Variants in NAV3 observed in about 807,000 individuals in gnomAD.
The protein encoded by NAV3 is neuron navigator 3.
A neutral mutation model predicts 244.7 loss-of-function variants in NAV3; 87 were observed. That is an observed-to-expected ratio of 0.36 (90% CI 0.30 to 0.42). The LOEUF is 0.42. Ranked by LOEUF, NAV3 falls within the 20% of genes least tolerant of loss-of-function variation. NAV3 has a pLI of 1.00. For missense variants in NAV3, 2,663 were observed against 2,893.3 expected (o/e 0.92, Z 1.83); for synonymous variants, 1,126 against 1,042.2 (o/e 1.08, Z -1.55).
At position 77,753,347 on chromosome 12, in the gene NAV3, A is replaced by G. The variant is rs56242811; in HGVS notation, c.72+181081A>G. Reference sequence around the variant, plus strand: ...TGAAATTTATGACTGTGTTTTTCACAGTAAATGTTCCCTTTAAAATATCCT... The same window carrying G: ...TGAAATTTATGACTGTGTTTTTCACGGTAAATGTTCCCTTTAAAATATCCT... On this transcript the variant is annotated intron_variant, in intron 2 of 8. Coordinates refer to the NAV3 transcript ENST00000550042. Among the ~76,000 whole-genome samples, 816 of 152,244 alleles carry G rather than the reference A, an allele frequency of 5.4e-3. 11 individuals carry two copies. The highest frequency in any genetic ancestry group is 0.017 in the African/African-American group (717 of 41,560).
intron 2 of NAV3, among the ~76,000 whole-genome samples, chr12:77,766,095 G>C (rs1455273159): frequency 6.6e-6 from 1 of 152,106 alleles, no homozygotes; most frequent in Non-Finnish European, 1.5e-5. Context: ...ACGGAGAAGA[G>C]AGAAAGGAAA....
At chr12:77,684,167 T>A (rs192310553) in intron 2 of NAV3, among the ~76,000 whole-genome samples, 2 of 152,342 alleles carry the variant, frequency 1.3e-5, no homozygotes, top group East Asian at 3.9e-4. Flanking sequence ...GTGGATTTAA[T>A]CTGCATTTTC....
Position 77,713,294 on chromosome 12 carries a change from G to A in NAV3, c.72+141028G>A, listed in dbSNP as rs150170883. On this transcript the variant is annotated intron_variant, in intron 2 of 8. Transcript: ENST00000550042. ...TGTTTCTCTCCATTTATAAAATACC[G>A]TTTTCTTCAGTGGCTAAAGTATGGT... Among the ~76,000 whole-genome samples the A allele has an allele frequency of 5.9e-3, 904 of 152,206 alleles. 5 individuals are homozygous for A. Among genetic ancestry groups the A allele is most frequent in the Middle Eastern group, 0.027 (8 of 294 alleles).
chr12:78,093,336 A>C (rs1013390980), intron 12 of NAV3, among the ~76,000 whole-genome samples: 6 of 152,314 alleles, frequency 3.9e-5, no homozygotes, highest in Admixed American at 6.5e-5. Flanking sequence ...CTAAGGACAA[A>C]AGCTAATTTT....
At chr12:77,938,710 T>C (rs377528330) in intron 1 of NAV3, among the ~76,000 whole-genome samples, 1 of 152,216 alleles carries the variant, frequency 6.6e-6, no homozygotes, top group East Asian at 1.9e-4. Context: ...GGAAGGTACA[T>C]ATGTCAGGCT....
At chr12:77,714,410 G>T (rs927576870) in intron 2 of NAV3, among the ~76,000 whole-genome samples, 1 of 152,052 alleles carries the variant, frequency 6.6e-6, no homozygotes, top group Non-Finnish European at 1.5e-5. Flanking sequence ...CAGAATCATA[G>T]GTTAATAGAT....
At chr12:78,137,767 A>G (rs762533225) in intron 19 of NAV3, among the ~76,000 whole-genome samples, 19 of 152,170 alleles carry the variant, frequency 1.2e-4, no homozygotes, top group Non-Finnish European at 2.5e-4. Flanking sequence ...TTTTATTCCC[A>G]GGAATTCCCT....
At chr12:78,060,448 T>TGTGTGGGTGTGG (rs11269547) in intron 12 of NAV3, among the ~76,000 whole-genome samples, 55,638 of 151,320 alleles carry the variant, frequency 0.37, 10,373 homozygotes, top group African/African-American at 0.42. Context: ...TATACTCTTG[T>TGTGTGGGTGTGG]GTGTGGGTGT....
chr12:77,744,119 A>G (rs1868416415), intron 2 of NAV3, among the ~76,000 whole-genome samples: 1 of 151,966 alleles, frequency 6.6e-6, no homozygotes. Flanking sequence ...AAATCATTTT[A>G]TTTTTCAAAA....
intron 12 of NAV3, among the ~76,000 whole-genome samples, chr12:78,064,395 G>GTGTCTGTCTGTCTGTC (rs3054540): frequency 7.9e-5 from 11 of 140,048 alleles, no homozygotes; most frequent in African/African-American, 2.7e-4. Context: ...CTATCTATCT[G>GTGTCTGTCTGTCTGTC]TGTCTGTCTG....
chr12:77,716,363 C>A (rs1038403988), intron 2 of NAV3, among the ~76,000 whole-genome samples: 3 of 151,096 alleles, frequency 2.0e-5, no homozygotes, highest in Admixed American at 2.0e-4. Flanking sequence ...AAGGAATGTA[C>A]CATGTTCTCA....
intron 2 of NAV3, among the ~76,000 whole-genome samples, chr12:77,704,727 A>G (rs1024769513): frequency 6.6e-6 from 1 of 152,184 alleles, no homozygotes; most frequent in African/African-American, 2.4e-5. Context: ...TAGAGTGGTT[A>G]AAAGATATGT....
intron 8 of NAV3, among the ~76,000 whole-genome samples, chr12:78,016,254 CACAT>C (rs1297344231): frequency 6.6e-6 from 1 of 151,922 alleles, no homozygotes; most frequent in Non-Finnish European, 1.5e-5. Flanking sequence ...TGCATACACA[CACAT>C]ACATACATAC....
At chr12:78,169,369 C>T (rs1384065433) in intron 24 of NAV3, among the ~76,000 whole-genome samples, 2 of 151,614 alleles carry the variant, frequency 1.3e-5, no homozygotes, top group Admixed American at 6.6e-5. Flanking sequence ...ATAAAAACAA[C>T]GGGTGAAAGG....
chr12:77,987,162 G>A (rs1870661305), intron 5 of NAV3, among the ~76,000 whole-genome samples: 1 of 152,044 alleles, frequency 6.6e-6, no homozygotes, highest in South Asian at 2.1e-4. Flanking sequence ...TACTTGAAGA[G>A]ATCATATTCT....
chr12:78,041,688 T>C (rs1880888559), intron 9 of NAV3, among the ~76,000 whole-genome samples: 1 of 152,202 alleles, frequency 6.6e-6, no homozygotes, highest in South Asian at 2.1e-4. Flanking sequence ...GACAGATGAA[T>C]GCTATGGCCA....
In NAV3 at chr12:77,804,645, G is replaced by T. The variant is rs145265053; in HGVS notation, c.73-135674G>T. 1.7e-3 allele frequency among the ~76,000 whole-genome samples: 265 copies of T among 151,888 alleles called. 2 individuals are homozygous for T. The highest frequency in any genetic ancestry group is 6.1e-3 in the African/African-American group (253 of 41,426). ...GTTCTTTTTCCTTAGGATTGTCTTG[G>T]ATATACGGGCACTTTTTTGGTTTCA... On this transcript the variant is annotated intron_variant, in intron 2 of 8. Coordinates refer to the NAV3 transcript ENST00000550042.
At chr12:78,054,708 A>G (rs1359497378) in intron 11 of NAV3, among the ~76,000 whole-genome samples, 1 of 152,190 alleles carries the variant, frequency 6.6e-6, no homozygotes, top group Non-Finnish European at 1.5e-5. Flanking sequence ...TGGACTACCC[A>G]TGAAGGCATA....
chr12:78,033,414 A>G (rs1184486939), intron 9 of NAV3, among the ~76,000 whole-genome samples: 1 of 152,126 alleles, frequency 6.6e-6, no homozygotes, highest in East Asian at 1.9e-4. Context: ...CGTAATTAGA[A>G]TGATTCACAT....
Sources: allele counts gnomAD v4.1 joint callset (sites outside exome capture counted in the v4.1 genomes callset), GRCh38; gene constraint gnomAD v4.1.1; transcripts MANE v1.5; gene names NCBI Gene and HGNC (gene_info 2026-07-23, HGNC 2026-07-21).